The following TGFBRAP1 variants were observed in gnomAD, a reference collection of about 807,000 sequenced individuals.
TGFBRAP1 encodes transforming growth factor beta receptor associated protein 1, also known as transforming growth factor-beta receptor-associated protein 1.
In TGFBRAP1, 20 loss-of-function variants were observed where a neutral mutation model predicts 83.2. The observed-to-expected ratio is 0.24, with a 90% CI of 0.17 to 0.35. TGFBRAP1 has a LOEUF of 0.35. TGFBRAP1 is among the 10% of genes least tolerant of loss of function. The pLI is 1.00. For missense variants in TGFBRAP1, 950 were observed against 1,099.4 expected (o/e 0.86, Z 1.92); for synonymous variants, 415 against 459.8 (o/e 0.90, Z 1.25).
At position 105,265,208 on chromosome 2, in the gene TGFBRAP1, C is replaced by A. The variant is rs940353964; in HGVS notation, c.*2175G>T. 1.3e-5 allele frequency: 2 copies of A among 152,214 alleles called. No homozygotes were observed. Among genetic ancestry groups the A allele is most frequent in the African/African-American group, 4.8e-5 (2 of 41,444 alleles). 9.4% of individuals were successfully genotyped at this position (152,214 alleles called of 1,614,324 possible). ...AGTGTTGGCTGGGCGCAGTGGCTCA[C>A]GCCTGTAATCCCAGCACTTTGGGAG... On this transcript the variant is annotated 3_prime_UTR_variant, in exon 12 of 12. Coordinates refer to ENST00000393359, the MANE Select transcript of TGFBRAP1 (RefSeq NM_004257.6).
chr2:105,309,887 C>T (rs775553979), intron 1 of TGFBRAP1, among the ~76,000 whole-genome samples: 4 of 152,054 alleles, frequency 2.6e-5, no homozygotes, highest in East Asian at 1.9e-4. Flanking sequence ...GGCATTAGTG[C>T]CCTTATTAAA....
rs116228538 is a variant in TGFBRAP1, at chr2:105,282,658, C to T, written c.1121+1658G>A. 9.8e-3 allele frequency among the ~76,000 whole-genome samples: 1,492 copies of T among 152,038 alleles called. 33 individuals are homozygous for T. Among genetic ancestry groups the T allele is most frequent in the African/African-American group, 0.035 (1,441 of 41,454 alleles). ...TGGGCAACACAATAAGATCCCATCT[C>T]TACAAAAAATAAAAGATTAGCCAGG... On this transcript the variant is annotated intron_variant, in intron 5 of 11. Coordinates refer to ENST00000393359, the MANE Select transcript of TGFBRAP1 (RefSeq NM_004257.6).
In TGFBRAP1 at chr2:105,296,461, T is replaced by C; in HGVS notation, c.933A>G (p.Leu311=). ...TSKGVYILVP[L]PLEKQIQDLL... is the part of the protein sequence containing the mutation. ...GATCCTGTATTTGTTTTTCCAAAGG[T>C]AATGGAACCAAGATGTAAACTCCTT... The change falls in exon 4 of 12, where the codon TTA becomes TTG. Residue 311 remains leucine (L), a synonymous_variant. Coordinates refer to ENST00000393359, the MANE Select transcript of TGFBRAP1 (RefSeq NM_004257.6). 6.2e-7 allele frequency: 1 copy of C among 1,614,100 alleles called. No homozygotes were observed. The highest frequency in any genetic ancestry group is 8.5e-7 in the Non-Finnish European group (1 of 1,180,010).
At chr2:105,285,668 A>G (rs930115266) in intron 4 of TGFBRAP1, among the ~76,000 whole-genome samples, 3 of 152,214 alleles carry the variant, frequency 2.0e-5, no homozygotes, top group African/African-American at 7.2e-5. Context: ...ACTCAGCACC[A>G]TAAGACAGGG....
At chr2:105,275,845 A>T in intron 7 of TGFBRAP1, 142 bp from the exon 8 acceptor site, 1 of 824,556 alleles carries the variant, frequency 1.2e-6, no homozygotes. Flanking sequence ...AAAAACTGTA[A>T]ATGCTTAAAT....
intron 4 of TGFBRAP1, among the ~76,000 whole-genome samples, chr2:105,285,575 C>T (rs959769209): frequency 1.3e-5 from 2 of 152,212 alleles, no homozygotes; most frequent in Non-Finnish European, 2.9e-5. Flanking sequence ...GTGTGTTACC[C>T]ACTGAAGGTA....
chr2:105,249,413 G>C, the TGFBRAP1 span: 1 of 150,180 alleles, frequency 6.7e-6, no homozygotes, highest in Non-Finnish European at 1.5e-5. Flanking sequence ...ATTTCACAAA[G>C]AGCCTTTGTT....
rs1188684504 is a variant in TGFBRAP1, at chr2:105,269,642, T to A, written c.2036A>T (p.His679Leu). ...SAILHGKLGEHEKALHILVHE... is the reference protein window; with the variant it reads ...SAILHGKLGELEKALHILVHE... ...CACCAGGATATGCAGCGCCTTCTCA[T>A]GCTCGCCCAGCTTCCCGTGCAGGAT... Residue 679 changes from histidine to leucine, a missense_variant, in exon 11 of 12, where the codon CAT becomes CTT. Physicochemically the swap from His to Leu is moderately conservative, Grantham distance 99 (BLOSUM62 -3). Coordinates refer to ENST00000393359, the MANE Select transcript of TGFBRAP1 (RefSeq NM_004257.6). The surrounding 1 kb of genome is among the most constrained non-coding windows in gnomAD (Gnocchi z 4.1). 14 of 1,594,580 alleles carry A rather than the reference T, an allele frequency of 8.8e-6. No homozygotes were observed. The highest frequency in any genetic ancestry group is 1.1e-5 in the Non-Finnish European group (13 of 1,167,346).
intron 11 of TGFBRAP1, among the ~76,000 whole-genome samples, chr2:105,268,247 G>A (rs765818145): frequency 6.6e-6 from 1 of 152,126 alleles, no homozygotes; most frequent in South Asian, 2.1e-4. Context: ...CCACAAACAC[G>A]GATTAGATGC....
At chr2:105,325,685 A>G (rs977664325) in intron 1 of TGFBRAP1, among the ~76,000 whole-genome samples, 3 of 152,110 alleles carry the variant, frequency 2.0e-5, no homozygotes, top group Non-Finnish European at 2.9e-5. Flanking sequence ...AAATTCAGAC[A>G]CAGAATAGTA....
chr2:105,318,175 T>C (rs544484342), intron 1 of TGFBRAP1, among the ~76,000 whole-genome samples: 6 of 152,304 alleles, frequency 3.9e-5, no homozygotes, highest in African/African-American at 1.4e-4. Flanking sequence ...GCAATCCTGT[T>C]TGAGACACAG....
intron 4 of TGFBRAP1, among the ~76,000 whole-genome samples, chr2:105,295,451 C>T (rs762059912): frequency 4.4e-4 from 67 of 152,140 alleles, no homozygotes; most frequent in Middle Eastern, 6.8e-3. Flanking sequence ...TTTAGGAGAC[C>T]CGATTTATAT....
At chr2:105,329,338 A>G (rs1679303736) in intron 1 of TGFBRAP1, among the ~76,000 whole-genome samples, 1 of 151,774 alleles carries the variant, frequency 6.6e-6, no homozygotes, top group Non-Finnish European at 1.5e-5. Flanking sequence ...TGCACACTTC[A>G]TCCCACACAC....
chr2:105,268,043 G>GTT (rs1677003588), intron 11 of TGFBRAP1, among the ~76,000 whole-genome samples: 1 of 152,138 alleles, frequency 6.6e-6, no homozygotes, highest in Non-Finnish European at 1.5e-5. Flanking sequence ...ACACCCTTCC[G>GTT]TTTCCTTAGA....
chr2:105,308,908 C>T (rs1678609247), intron 1 of TGFBRAP1, among the ~76,000 whole-genome samples: 1 of 152,212 alleles, frequency 6.6e-6, no homozygotes, highest in African/African-American at 2.4e-5. Context: ...CCGAGGCAGA[C>T]GCCAGGCCTT....
the TGFBRAP1 span, among the ~76,000 whole-genome samples, chr2:105,254,442 A>G: frequency 6.6e-6 from 1 of 152,314 alleles, no homozygotes; most frequent in Non-Finnish European, 1.5e-5. Flanking sequence ...AGAACTTTGC[A>G]GTTTTACAAA....
chr2:105,270,984 T>C (rs1677135483), intron 10 of TGFBRAP1, among the ~76,000 whole-genome samples: 1 of 152,218 alleles, frequency 6.6e-6, no homozygotes, highest in African/African-American at 2.4e-5. Flanking sequence ...ACAAAATCAG[T>C]GTTTGGATTT....
At chr2:105,292,692 A>G (rs1438106934) in intron 4 of TGFBRAP1, among the ~76,000 whole-genome samples, 4 of 151,188 alleles carry the variant, frequency 2.6e-5, no homozygotes, top group African/African-American at 9.7e-5. Flanking sequence ...ATATATGCAA[A>G]TAAAACAGAC....
intron 10 of TGFBRAP1, among the ~76,000 whole-genome samples, chr2:105,271,293 G>A (rs1054441668): frequency 2.0e-5 from 3 of 152,204 alleles, no homozygotes; most frequent in East Asian, 3.8e-4. Flanking sequence ...AAAAGCTGGC[G>A]GAATGCAAAC....
Sources: gnomAD v4.1 joint callset for allele counts (sites outside exome capture counted in the v4.1 genomes callset) on GRCh38, gnomAD v4.1.1 for gene constraint, Gnocchi (gnomAD v3.1) non-coding constraint, MANE v1.5 for transcripts, NCBI Gene and HGNC (gene_info 2026-07-23, HGNC 2026-07-21) for gene names.